The following SHB variants were observed in gnomAD, a reference collection of about 807,000 sequenced individuals.
SHB encodes the protein SH2 domain containing adaptor protein B.
Under a neutral mutation model 52.3 loss-of-function variants are expected in SHB, and 20 were observed. That is an observed-to-expected ratio of 0.38 (90% CI 0.27 to 0.56). The LOEUF (loss-of-function observed/expected upper bound fraction) is 0.56, where lower values mean the gene tolerates loss of function less well. SHB is among the 20% of genes least tolerant of loss of function. The probability of loss-of-function intolerance (pLI) is 0.71; values close to 1 mark genes in which losing one functional copy is unlikely to be tolerated. For missense variants in SHB, 825 were observed against 723.3 expected, an observed-to-expected ratio of 1.14 and a Z score of -1.61; for synonymous variants, 397 against 316.5, an observed-to-expected ratio of 1.25 and a Z score of -2.70.
intron 2 of SHB, among the ~76,000 whole-genome samples, chr9:38,004,929 G>A (rs532887569): frequency 3.3e-5 from 5 of 152,352 alleles, no homozygotes; most frequent in African/African-American, 1.2e-4. Context: ...AGAGATTTGT[G>A]GGGGATGTTT....
chr9:37,994,729 C>A (rs1038985877), intron 2 of SHB, among the ~76,000 whole-genome samples: 2 of 152,266 alleles, frequency 1.3e-5, no homozygotes, highest in Non-Finnish European at 2.9e-5. Context: ...ACACAACCTT[C>A]CTTCTAGCTG....
chr9:37,997,130 T>C (rs1820956427), intron 2 of SHB, among the ~76,000 whole-genome samples: 1 of 152,198 alleles, frequency 6.6e-6, no homozygotes, highest in Non-Finnish European at 1.5e-5. Flanking sequence ...AGAAAGCCCT[T>C]TATGAACTAG....
At chr9:38,030,820 T>C (rs777826206) in intron 1 of SHB, among the ~76,000 whole-genome samples, 1 of 152,052 alleles carries the variant, frequency 6.6e-6, no homozygotes, top group Non-Finnish European at 1.5e-5. Context: ...TGTAATCCCC[T>C]CCTCTTGCCA....
intron 3 of SHB, among the ~76,000 whole-genome samples, chr9:37,960,607 T>C (rs1443671921): frequency 2.0e-5 from 3 of 152,220 alleles, no homozygotes; most frequent in Admixed American, 6.5e-5. Context: ...TCTGCCATGG[T>C]GGCAGGACTC....
rs372543136 is a variant in SHB at position 38,042,059 on chromosome 9, GCCGACGTCTGGCTTCGCC to G, written c.717+25852_717+25869del. Among the ~76,000 whole-genome samples the G allele has an allele frequency of 6.2e-3, 943 of 152,322 alleles. 9 individuals carry two copies. Among genetic ancestry groups the G allele is most frequent in the Non-Finnish European group, 9.6e-3 (652 of 68,026 alleles). On this transcript the variant is annotated intron_variant, in intron 1 of 5. Transcript: ENST00000377707. ...GCACTGGGGCAGACGGGGGAAACGT[GCCGACGTCTGGCTTCGCC>G]CAGAAGGCATCAAGGTTTGGAGCGC...
chr9:38,050,378 T>C (rs1821723943), intron 1 of SHB, among the ~76,000 whole-genome samples: 1 of 152,248 alleles, frequency 6.6e-6, no homozygotes. Flanking sequence ...ACTCTGAATT[T>C]AGACTATGAA....
intron 1 of SHB, among the ~76,000 whole-genome samples, chr9:38,056,986 G>A (rs1465181847): frequency 2.0e-5 from 3 of 152,200 alleles, no homozygotes; most frequent in Non-Finnish European, 4.4e-5. Flanking sequence ...TGTGAGAAGG[G>A]TAAAACAGGT....
intron 3 of SHB, among the ~76,000 whole-genome samples, chr9:37,964,023 T>C (rs187791015): frequency 1.2e-4 from 18 of 151,940 alleles, no homozygotes; most frequent in African/African-American, 4.1e-4. Context: ...AGTTCAAGAG[T>C]GAGTTTTGCT....
intron 1 of SHB, among the ~76,000 whole-genome samples, chr9:38,028,579 G>A (rs547303242): frequency 3.3e-5 from 5 of 152,316 alleles, no homozygotes; most frequent in East Asian, 3.9e-4. Context: ...CCAGAATTGC[G>A]AAGAGGAACT....
chr9:38,050,233 G>C (rs1821722285), intron 1 of SHB, among the ~76,000 whole-genome samples: 1 of 152,190 alleles, frequency 6.6e-6, no homozygotes, highest in Non-Finnish European at 1.5e-5. Flanking sequence ...CAGTCCTTCA[G>C]CAAAAGGGCT....
intron 3 of SHB, among the ~76,000 whole-genome samples, chr9:37,968,160 A>G (rs1439213695): frequency 1.3e-5 from 2 of 152,238 alleles, no homozygotes; most frequent in African/African-American, 4.8e-5. Context: ...TCTGAACACC[A>G]AAACCAATTC....
intron 1 of SHB, among the ~76,000 whole-genome samples, chr9:38,017,729 C>A (rs1821233060): frequency 1.3e-5 from 2 of 152,186 alleles, no homozygotes; most frequent in African/African-American, 4.8e-5. Flanking sequence ...CAGTGGGGAC[C>A]CAGTAGGGGT....
chr9:37,983,717 T>C (rs902031504), intron 2 of SHB, among the ~76,000 whole-genome samples: 1 of 152,220 alleles, frequency 6.6e-6, no homozygotes, highest in Non-Finnish European at 1.5e-5. Context: ...CTGCCAGTGG[T>C]AGGCATGCCA....
At chr9:38,046,405 T>C (rs1419299228) in intron 1 of SHB, among the ~76,000 whole-genome samples, 3 of 152,148 alleles carry the variant, frequency 2.0e-5, no homozygotes, top group Non-Finnish European at 2.9e-5. Context: ...GTTAGACACA[T>C]AAGAATTGAA....
intron 3 of SHB, among the ~76,000 whole-genome samples, chr9:37,970,378 T>C (rs968981875): frequency 1.3e-5 from 2 of 152,242 alleles, no homozygotes; most frequent in Admixed American, 6.5e-5. Context: ...AGAGCTGTTT[T>C]TGTGACAACT....
At chr9:37,977,550 T>A (rs1820670093) in intron 2 of SHB, among the ~76,000 whole-genome samples, 1 of 152,188 alleles carries the variant, frequency 6.6e-6, no homozygotes, top group South Asian at 2.1e-4. Flanking sequence ...GGATGATGCT[T>A]CCTTTTTTTA....
intron 1 of SHB, among the ~76,000 whole-genome samples, chr9:38,040,804 C>T (rs1306660370): frequency 6.6e-6 from 1 of 151,706 alleles, no homozygotes; most frequent in Non-Finnish European, 1.5e-5. Flanking sequence ...GCTCTAGATG[C>T]TAAAGTCTTT....
At chr9:37,980,024 TG>T (rs1820704861) in intron 2 of SHB, among the ~76,000 whole-genome samples, 1 of 152,210 alleles carries the variant, frequency 6.6e-6, no homozygotes, top group Non-Finnish European at 1.5e-5. Flanking sequence ...GGTCTTGCTT[TG>T]ATGTTGCCGG....
At chr9:37,973,009 G>A (rs1820609788) in intron 3 of SHB, among the ~76,000 whole-genome samples, 2 of 152,172 alleles carry the variant, frequency 1.3e-5, no homozygotes, top group Admixed American at 1.3e-4. Context: ...CCTAAACTCT[G>A]AGATACCTAA....
Sources: allele counts gnomAD v4.1 joint callset (sites outside exome capture counted in the v4.1 genomes callset), GRCh38; gene constraint gnomAD v4.1.1; transcripts MANE v1.5; gene names NCBI Gene and HGNC (gene_info 2026-07-23, HGNC 2026-07-21).